CATSPERD: variants seen among roughly 807,000 people sequenced by gnomAD.
CATSPERD encodes the protein cation channel sperm-associated auxiliary subunit delta.
In CATSPERD, 86 loss-of-function variants were observed where a neutral mutation model predicts 98.1. The ratio of observed to expected loss-of-function variants is 0.88; its 90% CI spans 0.74 to 1.05. The LOEUF (loss-of-function observed/expected upper bound fraction) is 1.05, where lower values mean the gene tolerates loss of function less well. Ranked by LOEUF, CATSPERD falls within the 50% of genes least tolerant of loss-of-function variation. The pLI is 0.00. For synonymous variants in CATSPERD, 394 were observed against 390.2 expected, an observed-to-expected ratio of 1.01 and a Z score of -0.12; for missense variants, 995 against 1,005.7, an observed-to-expected ratio of 0.99 and a Z score of 0.14.
rs545056918 is a variant in CATSPERD, at chr19:5,748,134, C to T, written c.809-26C>T. 7.5e-6 allele frequency: 12 copies of T among 1,593,282 alleles called. No homozygotes were observed. In the South Asian group the frequency reaches 1.1e-4, roughly 15 times the overall value. ...CTTTCCCAGGATGTACACGGGGCCTCATGCACCTGTCCTGTTACCTCCTAG... is the reference window on the plus strand; with the variant it reads ...CTTTCCCAGGATGTACACGGGGCCTTATGCACCTGTCCTGTTACCTCCTAG... On this transcript the variant is annotated intron_variant, in intron 9 of 21. Coordinates refer to ENST00000381624, the MANE Select transcript of CATSPERD (RefSeq NM_152784.4).
intron 2 of CATSPERD, among the ~76,000 whole-genome samples, chr19:5,726,176 C>T (rs1347281488): frequency 6.6e-6 from 1 of 151,710 alleles, no homozygotes; most frequent in African/African-American, 2.4e-5. Flanking sequence ...ATTCTCCTGC[C>T]TCAGCCTCCC....
In CATSPERD at chr19:5,731,560, G is replaced by GTTTTTTTTTTTTTTTTTTTT. The variant is rs67541709; in HGVS notation, c.276+1623_276+1642dup. Among the ~76,000 whole-genome samples, 6 of 75,724 alleles carry GTTTTTTTTTTTTTTTTTTTT rather than the reference G, an allele frequency of 7.9e-5. 2 individuals are homozygous for GTTTTTTTTTTTTTTTTTTTT. The highest frequency in any genetic ancestry group is 9.5e-5 in the Non-Finnish European group (4 of 41,976). 49.7% of individuals were successfully genotyped at this position (75,724 alleles called of 152,430 possible). On this transcript the variant is annotated intron_variant, in intron 4 of 21. Coordinates refer to ENST00000381624, the MANE Select transcript of CATSPERD (RefSeq NM_152784.4). ...TTTCTCCTAAAAGCGACACTTAACA[G>GTTTTTTTTTTTTTTTTTTTT]TTTTTTTTTTTTTTTTTTTTTTTTT...
In CATSPERD at chr19:5,770,088, C is replaced by CAA. The variant is rs760375391; in HGVS notation, c.1635-840_1635-839dup. On this transcript the variant is annotated intron_variant, in intron 18 of 21. Coordinates refer to ENST00000381624, the MANE Select transcript of CATSPERD (RefSeq NM_152784.4). ...TGGGCAACAGAGCGAGACTCTGTCTCAAAAAAAAAAAAAAAAAGTAATTAC... is the reference window on the plus strand; with the variant it reads ...TGGGCAACAGAGCGAGACTCTGTCTCAAAAAAAAAAAAAAAAAAAGTAATTAC... 1.3e-4 allele frequency among the ~76,000 whole-genome samples: 9 copies of CAA among 67,174 alleles called. No individual in the cohort carries two copies. In the South Asian group the frequency reaches 1.6e-3, roughly 12 times the overall value. The allele number at this position is 67,174 out of a possible 152,430, so 44.1% of individuals were successfully genotyped here. A position where few individuals can be genotyped will look rare whatever the true frequency, so the allele number is the denominator to read the frequency against.
At chr19:5,749,269 A>T in intron 11 of CATSPERD, 86 bp downstream of exon 11, 1 of 893,878 alleles carries the variant, frequency 1.1e-6, no homozygotes, top group Non-Finnish European at 1.7e-6. Context: ...AGGTGGAAGG[A>T]TCACCTGAGG....
intron 1 of CATSPERD, among the ~76,000 whole-genome samples, chr19:5,723,636 T>C (rs2055545239): frequency 6.6e-6 from 1 of 151,540 alleles, no homozygotes; most frequent in African/African-American, 2.4e-5. Flanking sequence ...GCTAATTTTT[T>C]TGTGTTTTTA....
Position 5,771,006 on chromosome 19 carries a change from C to A in CATSPERD, c.1697C>A (p.Ser566Tyr). Residue 566 changes from serine to tyrosine, a missense_variant, in exon 19 of 22, where the codon TCC (serine) becomes TAC (tyrosine). Transcript: ENST00000381624. ...TCCGAGGACCTGCACGTGTTTTACTCCTACCAGCAGCTGGGCTGTCCTCTC... is the reference window on the plus strand; with the variant it reads ...TCCGAGGACCTGCACGTGTTTTACTACTACCAGCAGCTGGGCTGTCCTCTC... The part of the protein sequence containing the change: ...QSSEDLHVFY[S>Y]YQQLGCPLLV... 6.2e-7 allele frequency: 1 copy of A among 1,614,118 alleles called. No individual in the cohort carries two copies. The highest frequency in any genetic ancestry group is 8.5e-7 in the Non-Finnish European group (1 of 1,179,998).
At chr19:5,739,681 A>T (rs1371251901) in intron 7 of CATSPERD, among the ~76,000 whole-genome samples, 2 of 151,334 alleles carry the variant, frequency 1.3e-5, no homozygotes, top group East Asian at 1.9e-4. Flanking sequence ...AAAATAAAAA[A>T]AATAAATAAA....
chr19:5,760,853 TAGTA>T (rs2056420242), intron 15 of CATSPERD, among the ~76,000 whole-genome samples: 1 of 151,218 alleles, frequency 6.6e-6, no homozygotes, highest in Non-Finnish European at 1.5e-5. Context: ...TTTCAGGTTG[TAGTA>T]AGTTATGGGC....
At position 5,728,085 on chromosome 19, in the gene CATSPERD, C is replaced by T. The variant is rs149786695; in HGVS notation, c.203+741C>T. On this transcript the variant is annotated intron_variant, in intron 3 of 21. Transcript: ENST00000381624. The stretch of plus-strand genomic sequence containing the variant: ...GAAAATTAGCTGGGGGTGGGCCAGG[C>T]GCAGTGGCTAACCTCTGTAATCCCA... Among the ~76,000 whole-genome samples the T allele has an allele frequency of 9.4e-3, 1,403 of 149,346 alleles. 45 individuals are homozygous for T. Among genetic ancestry groups the T allele is most frequent in the South Asian group, 0.064 (302 of 4,722 alleles).
chr19:5,776,849 G>T (rs1356474286), intron 21 of CATSPERD, among the ~76,000 whole-genome samples: 3 of 149,700 alleles, frequency 2.0e-5, no homozygotes, highest in Non-Finnish European at 4.4e-5. Flanking sequence ...CTGGCCTCTA[G>T]CCTGGGTAAC....
At chr19:5,741,697 A>G (rs1467930205) in intron 7 of CATSPERD, among the ~76,000 whole-genome samples, 1 of 148,860 alleles carries the variant, frequency 6.7e-6, no homozygotes, top group Non-Finnish European at 1.5e-5. Context: ...ATGAGGTCAC[A>G]TTGAAATCAG....
rs758199296 is a variant in CATSPERD at position 5,729,903 on chromosome 19, G to A, written c.235G>A (p.Glu79Lys). The change falls in exon 4 of 22, where the codon GAG becomes AAG. Residue 79 changes from glutamate (E) to lysine (K), a missense_variant. By Grantham distance (56) the Glu-to-Lys change is moderately conservative. Transcript: ENST00000381624. ...AGTTTTTTTCACAATGGATAACTTT[G>A]AGACTAGTCTCCTTCCATTTACCAT... ...KQVFFTMDNF[E>K]TSLLPFTIPT... 2 of 1,598,408 alleles carry A rather than the reference G, an allele frequency of 1.3e-6. No individual in the cohort carries two copies. The highest frequency in any genetic ancestry group is 1.1e-5 in the South Asian group (1 of 88,952).
chr19:5,743,482 C>T (rs1341124414), intron 7 of CATSPERD, among the ~76,000 whole-genome samples: 2 of 151,648 alleles, frequency 1.3e-5, no homozygotes, highest in Non-Finnish European at 2.9e-5. Context: ...CCTGTAGTCC[C>T]AGCTACTTGA....
intron 11 of CATSPERD, among the ~76,000 whole-genome samples, chr19:5,750,187 G>T (rs189554823): frequency 2.0e-5 from 3 of 148,012 alleles, no homozygotes; most frequent in African/African-American, 4.9e-5. Flanking sequence ...GGTGGCTCAC[G>T]CCTGTAATCC....
chr19:5,752,385 G>A (rs913374502), intron 12 of CATSPERD, among the ~76,000 whole-genome samples: 1 of 151,776 alleles, frequency 6.6e-6, no homozygotes, highest in Non-Finnish European at 1.5e-5. Flanking sequence ...GAGGTGTGGG[G>A]ATCACTTGAG....
intron 5 of CATSPERD, among the ~76,000 whole-genome samples, chr19:5,735,505 G>A (rs62107430): frequency 1.4e-5 from 2 of 146,284 alleles, no homozygotes; most frequent in African/African-American, 2.6e-5. Flanking sequence ...ACGGAGTCTC[G>A]CTCTGTCACT....
intron 2 of CATSPERD, 42 bp downstream of exon 2, chr19:5,724,904 A>G: frequency 1.3e-6 from 2 of 1,589,342 alleles, no homozygotes; most frequent in Non-Finnish European, 1.7e-6. Context: ...ACTTTTGTCT[A>G]AGTACAGGAT....
intron 13 of CATSPERD, among the ~76,000 whole-genome samples, chr19:5,756,043 G>C (rs2056318327): frequency 1.3e-5 from 2 of 152,096 alleles, no homozygotes; most frequent in Admixed American, 1.3e-4. Context: ...CACTTTGGGA[G>C]GCCAAGGCGG....
At chr19:5,747,610 CTTTTTTTTTT>C (rs10603074) in intron 9 of CATSPERD, among the ~76,000 whole-genome samples, 1 of 87,656 alleles carries the variant, frequency 1.1e-5, no homozygotes, top group African/African-American at 4.1e-5. Flanking sequence ...TTTTTCTTTT[CTTTTTTTTTT>C]TTTTTTTTTT....
Sources: gnomAD v4.1 joint callset for allele counts (sites outside exome capture counted in the v4.1 genomes callset) on GRCh38, gnomAD v4.1.1 for gene constraint, MANE v1.5 for transcripts, NCBI Gene and HGNC (gene_info 2026-07-23, HGNC 2026-07-21) for gene names.